The following XKR9 variants were observed in gnomAD, a reference collection of about 807,000 sequenced individuals.
XKR9 encodes the protein XK-related protein 9.
Under a neutral mutation model 32.0 loss-of-function variants are expected in XKR9, and 32 were observed. The ratio of observed to expected loss-of-function variants is 1.00; its 90% confidence interval spans 0.76 to 1.34. XKR9 has a LOEUF of 1.34. Ranked by LOEUF, XKR9 falls within the 40% of genes most tolerant of loss-of-function variation. The pLI is 0.00. For synonymous variants in XKR9, 168 were observed against 143.4 expected, an observed-to-expected ratio of 1.17 and a Z score of -1.22; for missense variants, 546 against 429.7, an observed-to-expected ratio of 1.27 and a Z score of -2.39.
the XKR9 span, among the ~76,000 whole-genome samples, chr8:71,005,678 C>CA: frequency 6.6e-6 from 1 of 152,102 alleles, no homozygotes; most frequent in African/African-American, 2.4e-5. Context: ...AGAGTATGAA[C>CA]ATTAAGGCAT....
chr8:71,020,662 G>C, the XKR9 span, among the ~76,000 whole-genome samples: 4 of 152,134 alleles, frequency 2.6e-5, no homozygotes, highest in African/African-American at 9.7e-5. Flanking sequence ...CATATTTATA[G>C]GGCATATGTA....
chr8:70,812,071 C>G, the XKR9 span, among the ~76,000 whole-genome samples: 1 of 152,122 alleles, frequency 6.6e-6, no homozygotes, highest in Non-Finnish European at 1.5e-5. Context: ...AATCCAGCAG[C>G]ACATCAAAAA....
chr8:70,877,725 T>C, the XKR9 span, among the ~76,000 whole-genome samples: 5 of 152,266 alleles, frequency 3.3e-5, no homozygotes, highest in African/African-American at 1.2e-4. Flanking sequence ...GGAACCAAGT[T>C]GGAAAACACT....
intron 2 of XKR9, among the ~76,000 whole-genome samples, chr8:70,779,554 G>T (rs1317669222): frequency 6.6e-6 from 1 of 152,094 alleles, no homozygotes; most frequent in African/African-American, 2.4e-5. Flanking sequence ...TGTACCTCTG[G>T]TAGAATTCGG....
chr8:71,042,519 A>G, the XKR9 span, among the ~76,000 whole-genome samples: 2 of 152,178 alleles, frequency 1.3e-5, no homozygotes, highest in Admixed American at 1.3e-4. Context: ...GGATGGCTAT[A>G]AAGAATATGT....
chr8:70,761,853 T>C (rs1046021329), intron 2 of XKR9, among the ~76,000 whole-genome samples: 1 of 152,158 alleles, frequency 6.6e-6, no homozygotes, highest in Non-Finnish European at 1.5e-5. Context: ...CTTTAATCCA[T>C]CTTGAGTTGG....
intron 3 of XKR9, among the ~76,000 whole-genome samples, chr8:70,789,857 C>T (rs1807740730): frequency 6.6e-6 from 1 of 152,050 alleles, no homozygotes; most frequent in African/African-American, 2.4e-5. Context: ...TCCAGCATCT[C>T]TTGTTTGGCA....
At chr8:70,685,002 C>G (rs982944669) in intron 3 of XKR9, among the ~76,000 whole-genome samples, 1 of 146,096 alleles carries the variant, frequency 6.8e-6, no homozygotes, top group Non-Finnish European at 1.5e-5. Context: ...TGGGTATATA[C>G]CCAAAGGACT....
chr8:70,742,979 G>A (rs1807009109), intron 2 of XKR9, among the ~76,000 whole-genome samples: 1 of 151,862 alleles, frequency 6.6e-6, no homozygotes, highest in African/African-American at 2.4e-5. Context: ...TATTTAGGAA[G>A]TTTCTGGCCA....
chr8:71,062,773 C>T, the XKR9 span, among the ~76,000 whole-genome samples: 3 of 151,732 alleles, frequency 2.0e-5, no homozygotes, highest in African/African-American at 4.8e-5. Context: ...CACCATTTCT[C>T]GGGGGCAGGA....
At chr8:70,798,962 T>C in the XKR9 span, among the ~76,000 whole-genome samples, 1 of 152,252 alleles carries the variant, frequency 6.6e-6, no homozygotes, top group Non-Finnish European at 1.5e-5. Flanking sequence ...CCTTGTAGTA[T>C]AGTTTGAAGG....
Position 70,683,109 on chromosome 8 carries a change from T to C in XKR9, c.272+1779T>C, listed in dbSNP as rs183046359. 2.2e-3 allele frequency among the ~76,000 whole-genome samples: 331 copies of C among 152,350 alleles called. 1 individual carries two copies. The highest frequency in any genetic ancestry group is 4.1e-3 in the South Asian group (20 of 4,832). Reference sequence around the variant, plus strand: ...TCCAAGCAACAAACATTTGTAAATATATCAGCCCAGTTTGTAGTTTCTCTT... The same window carrying C: ...TCCAAGCAACAAACATTTGTAAATACATCAGCCCAGTTTGTAGTTTCTCTT... On this transcript the variant is annotated intron_variant, in intron 3 of 4. Transcript: ENST00000408926.
the XKR9 span, among the ~76,000 whole-genome samples, chr8:70,824,746 A>G: frequency 6.6e-6 from 1 of 152,054 alleles, no homozygotes; most frequent in Non-Finnish European, 1.5e-5. Flanking sequence ...GGCAAAAAAT[A>G]GTGTCTAGTG....
At chr8:70,684,884 T>C (rs62533068) in intron 3 of XKR9, among the ~76,000 whole-genome samples, 9,223 of 145,026 alleles carry the variant, frequency 0.064, 400 homozygotes, top group Non-Finnish European at 0.089. Flanking sequence ...GGAACACTTT[T>C]ACACTGTTGC....
the XKR9 span, among the ~76,000 whole-genome samples, chr8:71,027,057 G>A: frequency 6.6e-6 from 1 of 152,076 alleles, no homozygotes; most frequent in East Asian, 1.9e-4. Context: ...AAATATGCTT[G>A]CATTTAGGGC....
At chr8:70,757,282 G>T (rs568685633) in intron 2 of XKR9, among the ~76,000 whole-genome samples, 2 of 151,922 alleles carry the variant, frequency 1.3e-5, no homozygotes, top group Admixed American at 1.3e-4. Context: ...ATTTCTGTGA[G>T]GGTCTGTTTA....
At chr8:70,711,820 G>A (rs1202883150) in intron 4 of XKR9, among the ~76,000 whole-genome samples, 1 of 78,938 alleles carries the variant, frequency 1.3e-5, no homozygotes, top group African/African-American at 3.9e-5. Flanking sequence ...TAGACATCAG[G>A]GCTTACTTGA....
At chr8:70,825,886 G>T in the XKR9 span, among the ~76,000 whole-genome samples, 1 of 151,860 alleles carries the variant, frequency 6.6e-6, no homozygotes, top group Non-Finnish European at 1.5e-5. Flanking sequence ...GCCAAAAAAT[G>T]GAATTTTCTG....
the XKR9 span, among the ~76,000 whole-genome samples, chr8:70,937,115 A>G: frequency 1.3e-5 from 2 of 151,870 alleles, no homozygotes; most frequent in Admixed American, 6.6e-5. Flanking sequence ...CACACCCCAC[A>G]TTAACCTCCT....
Sources: allele counts gnomAD v4.1 joint callset (sites outside exome capture counted in the v4.1 genomes callset), GRCh38; gene constraint gnomAD v4.1.1; transcripts MANE v1.5; gene names NCBI Gene and HGNC (gene_info 2026-07-23, HGNC 2026-07-21).